APTX: variants seen among roughly 807,000 people sequenced by gnomAD.
APTX encodes forkhead-associated domain histidine triad-like protein.
Under a neutral mutation model 42.3 loss-of-function variants are expected in APTX, and 33 were observed. That is an observed-to-expected ratio of 0.78 (90% CI 0.59 to 1.04). APTX has a LOEUF of 1.04. APTX is among the 50% of genes least tolerant of loss of function. The pLI is 0.00. For synonymous variants in APTX, 130 were observed against 146.7 expected, an observed-to-expected ratio of 0.89 and a Z score of 0.82; for missense variants, 421 against 415.1, an observed-to-expected ratio of 1.01 and a Z score of -0.12.
At chr9:33,011,050 T>G (rs935787205) in intron 1 of APTX, among the ~76,000 whole-genome samples, 1 of 150,674 alleles carries the variant, frequency 6.6e-6, no homozygotes, top group African/African-American at 2.4e-5. Context: ...AGCTGAGGCA[T>G]GAAAATTGCT....
rs985334100 is a variant in APTX at position 32,988,069 on chromosome 9, A to T, written c.180+14T>A. On this transcript the variant is annotated intron_variant, in intron 3 of 7. Coordinates refer to ENST00000379817, the MANE Select transcript of APTX (RefSeq NM_001195248.2). The stretch of plus-strand genomic sequence containing the variant: ...ATCATCGAGTATAAAATTCCAAGTT[A>T]TAAATACACCTACCTGCTTTACCTT... 5 of 1,613,224 alleles carry T rather than the reference A, an allele frequency of 3.1e-6. No individual in the cohort carries two copies. In the African/African-American group the frequency reaches 6.7e-5, roughly 22 times the overall value.
At chr9:33,005,396 G>A (rs1837062606), upstream of APTX, among the ~76,000 whole-genome samples, 1 of 152,142 alleles carries the variant, frequency 6.6e-6, no homozygotes. Flanking sequence ...TTAGGTCTTT[G>A]ATCCATTTTT....
intron 1 of APTX, chr9:33,016,274 G>A (rs1373707647): frequency 6.6e-6 from 1 of 152,192 alleles, no homozygotes; most frequent in Non-Finnish European, 1.5e-5. Flanking sequence ...CACAACATCT[G>A]AAGTGTGGTG....
chr9:32,986,032 T>TAAAAAAAAAAAAAA lies in APTX; in HGVS notation c.484-3_484-2insTTTTTTTTTTTTTT, dbSNP rs373304582. On this transcript the variant is annotated splice_polypyrimidine_tract_variant and splice_region_variant and intron_variant, in intron 4 of 7. Coordinates refer to ENST00000379817, the MANE Select transcript of APTX (RefSeq NM_001195248.2). ...TTGACTCCAGTGGCCCAGGGATTCC[T>TAAAAAAAAAAAAAA]AAAAAAAAAACAAAAAAAAAAACAA... 1.2e-5 allele frequency: 9 copies of TAAAAAAAAAAAAAA among 733,304 alleles called. No homozygotes were observed. In the African/African-American group the frequency reaches 1.5e-4, roughly 12 times the overall value. The allele number at this position is 733,304 out of a possible 1,614,324, so 45.4% of individuals were successfully genotyped here.
upstream of APTX, among the ~76,000 whole-genome samples, chr9:33,002,952 GT>G (rs572954213): frequency 6.6e-6 from 1 of 152,154 alleles, no homozygotes; most frequent in South Asian, 2.1e-4. Flanking sequence ...GAAGATGCAG[GT>G]TTATATTAGG....
chr9:33,005,952 G>A (rs1208895630), upstream of APTX, among the ~76,000 whole-genome samples: 1 of 151,880 alleles, frequency 6.6e-6, no homozygotes, highest in Non-Finnish European at 1.5e-5. Context: ...CTTTACACTA[G>A]TACTGCACTG....
In APTX at chr9:32,974,374, C is replaced by T. The variant is rs4878522; in HGVS notation, c.874+84G>A. On this transcript the variant is annotated intron_variant, in intron 7 of 7. Transcript: ENST00000379817. ...TTGTACATAGGTTTTTGAGGTCAGA[C>T]TGTTATTCAGGGAAACAACCAAATC... 917,062 of 922,562 alleles carry T rather than the reference C, an allele frequency of 0.99. 455,953 individuals are homozygous for T. Among genetic ancestry groups the T allele is most frequent in the East Asian group, 1 (40,430 of 40,430 alleles). 57.1% of individuals were successfully genotyped at this position (922,562 alleles called of 1,614,324 possible). A position where few individuals can be genotyped will look rare whatever the true frequency, so the allele number is the denominator to read the frequency against.
intron 5 of APTX, among the ~76,000 whole-genome samples, chr9:32,985,361 T>A (rs1268286531): frequency 7.0e-6 from 1 of 142,730 alleles, no homozygotes; most frequent in Admixed American, 7.3e-5. Flanking sequence ...TGAGATGGAG[T>A]TTCGCTCTTG....
At chr9:32,974,769 CCAAA>C (rs1828957089) in intron 6 of APTX, among the ~76,000 whole-genome samples, 1 of 151,994 alleles carries the variant, frequency 6.6e-6, no homozygotes, top group African/African-American at 2.4e-5. Context: ...TGTACTATGG[CCAAA>C]CACTGTTCCA....
Position 33,001,556 on chromosome 9 carries a change from G to A in APTX, c.-5+11C>T, listed in dbSNP as rs754180338. 1.7e-5 allele frequency: 28 copies of A among 1,613,626 alleles called. No homozygotes were observed. The highest frequency in any genetic ancestry group is 1.6e-4 in the Middle Eastern group (1 of 6,084). ...CAGCCAGCAGAAGAGATAGGCTGAC[G>A]ACCGCCTTACCTCCAGAAGTCGGAG... On this transcript the variant is annotated intron_variant, in intron 1 of 7. Transcript: ENST00000379817.
intron 1 of APTX, chr9:33,024,868 G>A (rs1294735817): frequency 1.1e-5 from 1 of 87,902 alleles, no homozygotes; most frequent in Admixed American, 1.1e-4. Context: ...AAGAGGGGGG[G>A]GGGGGGGGGC....
intron 1 of APTX, among the ~76,000 whole-genome samples, chr9:33,011,944 G>A (rs985534937): frequency 6.6e-6 from 1 of 152,170 alleles, no homozygotes; most frequent in African/African-American, 2.4e-5. Flanking sequence ...TGGACGTCCA[G>A]TGGCATTTTC....
intron 1 of APTX, among the ~76,000 whole-genome samples, chr9:33,007,799 C>T (rs1010808037): frequency 6.6e-6 from 1 of 151,984 alleles, no homozygotes; most frequent in Non-Finnish European, 1.5e-5. Context: ...CATGTTTTCT[C>T]ACCCCTAGGG....
chr9:32,985,648 A>C (rs10813914), intron 5 of APTX, among the ~76,000 whole-genome samples: 10,721 of 152,150 alleles, frequency 0.07, 508 homozygotes, highest in Non-Finnish European at 0.11. Context: ...GCAGCACAGT[A>C]CTACTGTCAC....
chr9:32,988,272 T>C, intron 2 of APTX, 143 bp from the exon 3 acceptor site: 1 of 732,668 alleles, frequency 1.4e-6, no homozygotes, highest in Admixed American at 2.2e-5. Context: ...CAATCACCTG[T>C]TATTGCAGGT....
chr9:33,007,027 A>AG (rs1837209032), intron 1 of APTX, among the ~76,000 whole-genome samples: 4 of 148,030 alleles, frequency 2.7e-5, no homozygotes, highest in Non-Finnish European at 1.5e-5. Context: ...AAAAAAAGAA[A>AG]GAAAGAAAGA....
At chr9:33,024,000 C>G (rs1184559040) in intron 1 of APTX, among the ~76,000 whole-genome samples, 1 of 152,202 alleles carries the variant, frequency 6.6e-6, no homozygotes, top group East Asian at 1.9e-4. Context: ...TGCTCTCCTC[C>G]CATTTTCAAA....
intron 1 of APTX, among the ~76,000 whole-genome samples, chr9:32,991,724 C>T (rs1012212104): frequency 6.7e-6 from 1 of 150,082 alleles, no homozygotes; most frequent in African/African-American, 2.5e-5. Context: ...TTGCAGTGAG[C>T]AGAGATCGCA....
At chr9:33,018,232 TC>T (rs1838061807) in intron 1 of APTX, among the ~76,000 whole-genome samples, 1 of 150,692 alleles carries the variant, frequency 6.6e-6, no homozygotes, top group African/African-American at 2.4e-5. Flanking sequence ...TGCCTCAGCC[TC>T]CCGAGTAGCT....
Sources: gnomAD v4.1 joint callset for allele counts (sites outside exome capture counted in the v4.1 genomes callset) on GRCh38, gnomAD v4.1.1 for gene constraint, MANE v1.5 for transcripts, NCBI Gene and HGNC (gene_info 2026-07-23, HGNC 2026-07-21) for gene names.